PLCXD3: variants seen among roughly 807,000 people sequenced by gnomAD.
PLCXD3 encodes the protein PI-PLC X domain-containing protein 3.
Under a neutral mutation model 25.5 loss-of-function variants are expected in PLCXD3, and 19 were observed. That is an observed-to-expected ratio of 0.75 (90% CI 0.52 to 1.09). The LOEUF is 1.09. Ranked by LOEUF, PLCXD3 falls within the 50% of genes least tolerant of loss-of-function variation. The pLI is 0.00. For synonymous variants in PLCXD3, 174 were observed against 137.6 expected (o/e 1.26, Z -1.85); for missense variants, 411 against 388.1 (o/e 1.06, Z -0.50).
chr5:41,459,125 C>A (rs1319273906), intron 1 of PLCXD3, among the ~76,000 whole-genome samples: 1 of 151,778 alleles, frequency 6.6e-6, no homozygotes, highest in Non-Finnish European at 1.5e-5. Flanking sequence ...GTAGAGTTAT[C>A]GATCAAAGAA....
intron 2 of PLCXD3, among the ~76,000 whole-genome samples, chr5:41,371,578 C>T (rs759761827): frequency 2.0e-5 from 3 of 152,152 alleles, no homozygotes; most frequent in Non-Finnish European, 2.9e-5. Context: ...GTCACCCAAC[C>T]TAAGCCCAAT....
chr5:41,382,248 T>G lies in PLCXD3; in HGVS notation c.390A>C (p.Ala130=). ...KVNEGLEEIN[A]FLTDHHKEVV... ...CCTCCTTATGGTGATCTGTGAGGAA[T>G]GCATTGATCTCCTCAAGGCCTTCAT... is the stretch of plus-strand genomic sequence containing the variant. Residue 130 remains alanine (A), a synonymous_variant, in exon 2 of 3, where the codon GCA becomes GCC. Transcript: ENST00000377801. 1 of 1,613,768 alleles carries G rather than the reference T, an allele frequency of 6.2e-7. No individual in the cohort carries two copies. Among genetic ancestry groups the G allele is most frequent in the Admixed American group, 1.7e-5 (1 of 59,958 alleles).
chr5:41,377,880 T>G (rs1463977370), intron 2 of PLCXD3, among the ~76,000 whole-genome samples: 1 of 152,116 alleles, frequency 6.6e-6, no homozygotes. Context: ...CAAATGGATC[T>G]TGGAGGTAAT....
At chr5:41,364,628 C>T (rs1408407248) in intron 2 of PLCXD3, among the ~76,000 whole-genome samples, 2 of 152,182 alleles carry the variant, frequency 1.3e-5, no homozygotes, top group East Asian at 3.9e-4. Context: ...GGGGCAAGAA[C>T]ATCTGGGACT....
intron 1 of PLCXD3, among the ~76,000 whole-genome samples, chr5:41,462,997 C>G (rs1747929005): frequency 6.6e-6 from 1 of 151,738 alleles, no homozygotes; most frequent in Admixed American, 6.6e-5. Flanking sequence ...ATAGCAGATG[C>G]AGGACTGACA....
chr5:41,397,330 T>A (rs1160813447), intron 1 of PLCXD3, among the ~76,000 whole-genome samples: 1 of 152,150 alleles, frequency 6.6e-6, no homozygotes, highest in Non-Finnish European at 1.5e-5. Context: ...GGGGCCTAGG[T>A]ACAGCTTGGG....
intron 2 of PLCXD3, among the ~76,000 whole-genome samples, chr5:41,326,942 G>A (rs550046877): frequency 2.7e-4 from 41 of 152,180 alleles, no homozygotes; most frequent in Non-Finnish European, 5.0e-4. Flanking sequence ...CAAAATAGAC[G>A]TAAACCCACC....
chr5:41,440,774 C>A, intron 1 of PLCXD3, among the ~76,000 whole-genome samples: 1 of 151,742 alleles, frequency 6.6e-6, no homozygotes, highest in Non-Finnish European at 1.5e-5. Context: ...CGTGTTATTT[C>A]TTTCTCCAAC....
intron 1 of PLCXD3, among the ~76,000 whole-genome samples, chr5:41,466,708 A>T (rs1436192487): frequency 6.6e-6 from 1 of 151,128 alleles, no homozygotes; most frequent in Non-Finnish European, 1.5e-5. Context: ...CTCCCCACCA[A>T]CTCCCTGCCT....
At chr5:41,346,614 C>A (rs1437366485) in intron 2 of PLCXD3, among the ~76,000 whole-genome samples, 4 of 151,786 alleles carry the variant, frequency 2.6e-5, no homozygotes, top group Admixed American at 6.6e-5. Flanking sequence ...TAAAATTTAC[C>A]ATTTTAAATA....
At chr5:41,503,504 G>A (rs989762560) in intron 1 of PLCXD3, among the ~76,000 whole-genome samples, 1 of 152,132 alleles carries the variant, frequency 6.6e-6, no homozygotes, top group African/African-American at 2.4e-5. Flanking sequence ...TTCAGTACCT[G>A]ACCTCCGGAG....
chr5:41,357,889 T>C (rs972908978), intron 2 of PLCXD3, among the ~76,000 whole-genome samples: 6 of 152,190 alleles, frequency 3.9e-5, no homozygotes, highest in Admixed American at 2.0e-4. Flanking sequence ...CCCACATCTA[T>C]TGAAAACTCC....
intron 1 of PLCXD3, among the ~76,000 whole-genome samples, chr5:41,405,201 GC>G (rs1358191820): frequency 6.6e-6 from 1 of 152,128 alleles, no homozygotes; most frequent in Non-Finnish European, 1.5e-5. Context: ...TATAAGGGTA[GC>G]TTTGTTGTTT....
intron 1 of PLCXD3, among the ~76,000 whole-genome samples, chr5:41,428,388 G>T (rs7701538): frequency 0.52 from 67,930 of 129,832 alleles, 19,474 homozygotes; most frequent in South Asian, 0.71. Context: ...TTTTGTTTTT[G>T]TTTTTGTTTT....
At chr5:41,345,683 T>TACACACACACACAC (rs57657516) in intron 2 of PLCXD3, among the ~76,000 whole-genome samples, 6 of 146,034 alleles carry the variant, frequency 4.1e-5, no homozygotes, top group African/African-American at 1.5e-4. Flanking sequence ...TACATATGTG[T>TACACACACACACAC]ACACACACAC....
At chr5:41,383,223 T>G (rs1026663012) in intron 1 of PLCXD3, among the ~76,000 whole-genome samples, 1 of 152,086 alleles carries the variant, frequency 6.6e-6, no homozygotes, top group Admixed American at 6.6e-5. Context: ...ATTAACAGCA[T>G]TTAAAAATTG....
In PLCXD3 at chr5:41,311,997, A is replaced by G. The variant is rs1325269711; in HGVS notation, c.*1620T>C. On this transcript the variant is annotated 3_prime_UTR_variant, in exon 3 of 3. Coordinates refer to ENST00000377801, the MANE Select transcript of PLCXD3 (RefSeq NM_001005473.3). ...TATTTCTAAACATGAAAATAAAATA[A>G]TTAATAATTGTAAGAATTTCATCAA... 1 of 152,578 alleles carries G rather than the reference A, an allele frequency of 6.6e-6. No homozygotes were observed. The highest frequency in any genetic ancestry group is 6.6e-5 in the Admixed American group (1 of 15,260). 9.5% of individuals were successfully genotyped at this position (152,578 alleles called of 1,614,324 possible). A position where few individuals can be genotyped will look rare whatever the true frequency, so the allele number is the denominator to read the frequency against.
intron 1 of PLCXD3, among the ~76,000 whole-genome samples, chr5:41,496,159 A>T (rs1053369142): frequency 3.9e-5 from 6 of 152,148 alleles, no homozygotes; most frequent in Non-Finnish European, 8.8e-5. Context: ...ATTCGAAATT[A>T]TCCAGTCAGA....
chr5:41,351,920 C>A (rs1321553165), intron 2 of PLCXD3, among the ~76,000 whole-genome samples: 3 of 151,976 alleles, frequency 2.0e-5, no homozygotes, highest in African/African-American at 7.3e-5. Flanking sequence ...GGGAAATATG[C>A]CATTAAAATA....
Sources: allele counts gnomAD v4.1 joint callset (sites outside exome capture counted in the v4.1 genomes callset), GRCh38; gene constraint gnomAD v4.1.1; transcripts MANE v1.5; gene names NCBI Gene and HGNC (gene_info 2026-07-23, HGNC 2026-07-21).